The following PCBP3 variants were observed in gnomAD, a reference collection of about 807,000 sequenced individuals.
PCBP3 encodes the protein poly(rC) binding protein 3, also known as poly(rC)-binding protein 3.
A neutral mutation model predicts 52.7 loss-of-function variants in PCBP3; 25 were observed. That is an observed-to-expected ratio of 0.47 (90% CI 0.35 to 0.66). PCBP3 has a LOEUF of 0.66. Among genes scored for constraint, PCBP3 ranks in the 30% least tolerant of loss-of-function variants. The pLI is 0.01. For missense variants in PCBP3, 391 were observed against 490.3 expected, an observed-to-expected ratio of 0.80 and a Z score of 1.91; for synonymous variants, 162 against 183.0, an observed-to-expected ratio of 0.89 and a Z score of 0.93.
chr21:45,759,246 T>G (rs896027789), intron 4 of PCBP3, among the ~76,000 whole-genome samples: 2 of 152,230 alleles, frequency 1.3e-5, no homozygotes, highest in African/African-American at 2.4e-5. Context: ...GTTTTATCTT[T>G]CTTAAATTGT....
intron 13 of PCBP3, among the ~76,000 whole-genome samples, chr21:45,923,204 A>C (rs775695676): frequency 1.3e-5 from 2 of 152,168 alleles, no homozygotes; most frequent in Non-Finnish European, 2.9e-5. Flanking sequence ...TCCCTCTGGA[A>C]CCCTGTGGGG....
intron 13 of PCBP3, among the ~76,000 whole-genome samples, chr21:45,925,883 T>A (rs138562422): frequency 6.6e-6 from 1 of 152,302 alleles, no homozygotes; most frequent in Non-Finnish European, 1.5e-5. Context: ...CACCTCTCTT[T>A]CCATGAGTGA....
intron 4 of PCBP3, among the ~76,000 whole-genome samples, chr21:45,823,793 G>A (rs1466799904): frequency 6.6e-6 from 1 of 151,926 alleles, no homozygotes; most frequent in African/African-American, 2.4e-5. Context: ...CCAGTTTGGA[G>A]TGCAATAGCA....
At chr21:45,705,787 A>C (rs1251457560) in intron 2 of PCBP3, among the ~76,000 whole-genome samples, 3 of 151,938 alleles carry the variant, frequency 2.0e-5, no homozygotes, top group Admixed American at 6.6e-5. Context: ...TTTTTGGTTC[A>C]TAGGTTGTAC....
At chr21:45,861,084 C>CCAGAG (rs2094494129) in intron 5 of PCBP3, among the ~76,000 whole-genome samples, 1 of 152,206 alleles carries the variant, frequency 6.6e-6, no homozygotes, top group South Asian at 2.1e-4. Context: ...TGGGCTGCTC[C>CCAGAG]TTCCCAGTCA....
At chr21:45,727,482 C>T (rs952202978) in intron 2 of PCBP3, among the ~76,000 whole-genome samples, 1 of 152,202 alleles carries the variant, frequency 6.6e-6, no homozygotes, top group South Asian at 2.1e-4. Context: ...GGCAGGGCCA[C>T]ATGGGAAGCA....
At chr21:45,881,791 C>T (rs2095412144) in intron 5 of PCBP3, among the ~76,000 whole-genome samples, 1 of 152,104 alleles carries the variant, frequency 6.6e-6, no homozygotes, top group Non-Finnish European at 1.5e-5. Context: ...TTAGATTCCA[C>T]ATGTGAGATC....
chr21:45,677,123 A>C (rs1482153021), intron 2 of PCBP3, among the ~76,000 whole-genome samples: 1 of 152,222 alleles, frequency 6.6e-6, no homozygotes, highest in Non-Finnish European at 1.5e-5. Flanking sequence ...AGGCATGTTG[A>C]AATCCCAGAC....
chr21:45,767,616 C>CGCACT (rs1320691781), intron 4 of PCBP3, among the ~76,000 whole-genome samples: 6 of 152,224 alleles, frequency 3.9e-5, no homozygotes, highest in Non-Finnish European at 8.8e-5. Context: ...CCACAGCAGC[C>CGCACT]GCACTGCACT....
chr21:45,882,605 C>G (rs536540564), intron 5 of PCBP3, among the ~76,000 whole-genome samples: 2 of 152,256 alleles, frequency 1.3e-5, no homozygotes, highest in East Asian at 3.9e-4. Context: ...TTAACTAAAC[C>G]AGTGTCGTGG....
chr21:45,849,869 T>G, intron 4 of PCBP3, 92 bp from the exon 5 acceptor site: 1 of 586,008 alleles, frequency 1.7e-6, no homozygotes, highest in South Asian at 2.0e-5. Flanking sequence ...GACTGCTGTG[T>G]TGAAGGCAAG....
In PCBP3 at chr21:45,914,055, T is replaced by G. The variant is rs200341618; in HGVS notation, c.675+30T>G. The G allele has an allele frequency of 1.9e-6, 3 of 1,613,008 alleles. No individual in the cohort carries two copies. In the Admixed American group the frequency reaches 5.0e-5, roughly 27 times the overall value. ...GAGCCGATCCGCTCGCGGCCTCCAC[T>G]GCCAACCTCAGCCTTTTACTGCAGC... is the stretch of plus-strand genomic sequence containing the variant. On this transcript the variant is annotated intron_variant, in intron 12 of 17. Coordinates refer to ENST00000681687, the MANE Select transcript of PCBP3 (RefSeq NM_001384156.1).
intron 5 of PCBP3, among the ~76,000 whole-genome samples, chr21:45,886,203 T>G (rs1183449571): frequency 3.2e-5 from 3 of 93,490 alleles, no homozygotes; most frequent in African/African-American, 4.4e-5. Flanking sequence ...CGTGGTGAGG[T>G]GTGGAGGCCT....
intron 8 of PCBP3, 135 bp downstream of exon 8, chr21:45,900,758 CT>C: frequency 5.4e-6 from 4 of 746,704 alleles, no homozygotes; most frequent in Admixed American, 2.2e-5. Context: ...TGCGGGGCCT[CT>C]TTTCCCCTAC....
rs552657621 is a variant in PCBP3 at position 45,837,532 on chromosome 21, C to T, written c.-125-12429C>T. On this transcript the variant is annotated intron_variant, in intron 4 of 17. Coordinates refer to ENST00000681687, the MANE Select transcript of PCBP3 (RefSeq NM_001384156.1). This position sits in a 1 kb window ranked among gnomAD's most constrained non-coding sequence, Gnocchi z 4.1. ...AATTCTCCTGCGGGCGGTTTCATGT[C>T]GAAGGCCTACCTGTAGCCCTGGGTT... Among the ~76,000 whole-genome samples, 61 of 152,246 alleles carry T rather than the reference C, an allele frequency of 4.0e-4. No individual in the cohort carries two copies. Among genetic ancestry groups the T allele is most frequent in the African/African-American group, 1.4e-3 (58 of 41,538 alleles).
Position 45,853,384 on chromosome 21 carries a change from G to A in PCBP3, c.10+3289G>A, listed in dbSNP as rs543672465. On this transcript the variant is annotated intron_variant, in intron 5 of 17. Coordinates refer to ENST00000681687, the MANE Select transcript of PCBP3 (RefSeq NM_001384156.1). The surrounding 1 kb of genome is among the most constrained non-coding windows in gnomAD (Gnocchi z 4.6). ...GGTGGAGGGTGTCCAGGTTCTTGGC[G>A]TTTTGAAAAAATAATTGGACAAAAC... Among the ~76,000 whole-genome samples the A allele has an allele frequency of 3.7e-4, 56 of 152,272 alleles. No homozygotes were observed. Among genetic ancestry groups the A allele is most frequent in the Non-Finnish European group, 6.5e-4 (44 of 68,010 alleles).
intron 4 of PCBP3, among the ~76,000 whole-genome samples, chr21:45,809,529 C>G (rs979046489): frequency 6.6e-6 from 1 of 152,116 alleles, no homozygotes; most frequent in African/African-American, 2.4e-5. Context: ...CAGCCTGGGC[C>G]GGCTGCTGCG....
intron 5 of PCBP3, chr21:45,893,656 G>C: frequency 1.4e-6 from 1 of 708,516 alleles, no homozygotes; most frequent in Non-Finnish European, 1.6e-6. Context: ...ACGGATGACT[G>C]TGCCTGTCCC....
chr21:45,675,613 C>G (rs2081416471), intron 2 of PCBP3, among the ~76,000 whole-genome samples: 1 of 152,188 alleles, frequency 6.6e-6, no homozygotes, highest in African/African-American at 2.4e-5. Context: ...AGCGGGGCCT[C>G]AAACCCTCTT....
Sources: gnomAD v4.1 joint callset for allele counts (sites outside exome capture counted in the v4.1 genomes callset) on GRCh38, gnomAD v4.1.1 for gene constraint, Gnocchi (gnomAD v3.1) non-coding constraint, MANE v1.5 for transcripts, NCBI Gene and HGNC (gene_info 2026-07-23, HGNC 2026-07-21) for gene names.